Variants in OR51B5 observed in about 807,000 individuals in gnomAD.
OR51B5 encodes olfactory receptor family 51 subfamily B member 5.
For missense variants in OR51B5, 456 were observed against 374.6 expected, an observed-to-expected ratio of 1.22 and a Z score of -1.79; for synonymous variants, 186 against 144.8, an observed-to-expected ratio of 1.28 and a Z score of -2.04.
At chr11:5,394,266 A>C (rs7942877) in intron 1 of OR51B5, among the ~76,000 whole-genome samples, 2 of 152,012 alleles carry the variant, frequency 1.3e-5, no homozygotes, top group African/African-American at 2.4e-5. Flanking sequence ...TAGATTACCC[A>C]TTTTACAGAT....
intron 1 of OR51B5, among the ~76,000 whole-genome samples, chr11:5,374,591 T>C (rs550784762): frequency 1.3e-5 from 2 of 151,688 alleles, no homozygotes; most frequent in East Asian, 3.9e-4. Flanking sequence ...TGAAAAAAAA[T>C]TTAGATGAAT....
At chr11:5,463,474 C>T (rs1481393542) in intron 1 of OR51B5, among the ~76,000 whole-genome samples, 3 of 152,220 alleles carry the variant, frequency 2.0e-5, no homozygotes, top group African/African-American at 7.2e-5. Context: ...CCATGTTAAT[C>T]AAGATACTCT....
intron 1 of OR51B5, among the ~76,000 whole-genome samples, chr11:5,483,053 C>T (rs1215721200): frequency 2.0e-5 from 3 of 147,366 alleles, no homozygotes; most frequent in Non-Finnish European, 4.5e-5. Context: ...AAGACACATG[C>T]ACACGTATGT....
chr11:5,412,860 G>A (rs1826443009), intron 1 of OR51B5, among the ~76,000 whole-genome samples: 1 of 151,848 alleles, frequency 6.6e-6, no homozygotes, highest in Non-Finnish European at 1.5e-5. Context: ...ACCTCTGGGG[G>A]CAGGGCACAG....
rs528763576 is a variant in OR51B5 at position 5,460,718 on chromosome 11, A to G, written n.84+44851T>C. Reference sequence around the variant, plus strand: ...CTCTGCGTTGGCTGATGTTCCCTTAATCTTTGAAGTTGCTATCCTTTCAAC... The same window carrying G: ...CTCTGCGTTGGCTGATGTTCCCTTAGTCTTTGAAGTTGCTATCCTTTCAAC... On this transcript the variant is annotated intron_variant and non_coding_transcript_variant, in intron 1 of 4. Coordinates refer to the OR51B5 transcript ENST00000415970. Among the ~76,000 whole-genome samples the G allele has an allele frequency of 6.6e-5, 10 of 152,224 alleles. No individual in the cohort carries two copies. The South Asian group carries it at 2.1e-3, about 32-fold the overall frequency.
chr11:5,453,763 T>C (rs1267099411), intron 1 of OR51B5: 9 of 1,614,198 alleles, frequency 5.6e-6, no homozygotes, highest in Non-Finnish European at 6.8e-6. Context: ...GCCCGCAACA[T>C]CACTTTTGAT....
intron 1 of OR51B5, among the ~76,000 whole-genome samples, chr11:5,412,998 A>T (rs565136822): frequency 6.6e-6 from 1 of 150,980 alleles, no homozygotes; most frequent in Non-Finnish European, 1.5e-5. Flanking sequence ...CCTCAAGTGG[A>T]TCCCTGACCC....
At chr11:5,413,000 C>T (rs1850174145) in intron 1 of OR51B5, among the ~76,000 whole-genome samples, 1 of 150,592 alleles carries the variant, frequency 6.6e-6, no homozygotes, top group African/African-American at 2.4e-5. Flanking sequence ...TCAAGTGGAT[C>T]CCTGACCCCA....
At chr11:5,384,572 C>T (rs1484406219) in intron 1 of OR51B5, among the ~76,000 whole-genome samples, 1 of 152,232 alleles carries the variant, frequency 6.6e-6, no homozygotes, top group African/African-American at 2.4e-5. Context: ...AGGCCAGCCC[C>T]TCCCTGGATC....
chr11:5,483,274 G>A (rs368077519), intron 1 of OR51B5, among the ~76,000 whole-genome samples: 197 of 139,108 alleles, frequency 1.4e-3, no homozygotes, highest in South Asian at 0.012. Context: ...ACCAAACACC[G>A]CATATTCTCA....
At chr11:5,379,455 T>TATA (rs1290734917) in intron 1 of OR51B5, among the ~76,000 whole-genome samples, 10 of 143,376 alleles carry the variant, frequency 7.0e-5, no homozygotes, top group African/African-American at 2.0e-4. Context: ...AATCTTAAAG[T>TATA]ATAATAATAA....
At chr11:5,475,009 A>T (rs187759814) in intron 1 of OR51B5, among the ~76,000 whole-genome samples, 32 of 152,260 alleles carry the variant, frequency 2.1e-4, no homozygotes, top group Admixed American at 1.6e-3. Flanking sequence ...AAGCTCAATA[A>T]ATAGGTGTTT....
At chr11:5,401,083 G>C (rs1331052410) in intron 1 of OR51B5, among the ~76,000 whole-genome samples, 1 of 152,142 alleles carries the variant, frequency 6.6e-6, no homozygotes, top group Non-Finnish European at 1.5e-5. Flanking sequence ...TATAACTGCT[G>C]ACCTAGACAA....
At chr11:5,489,258 T>C in intron 1 of OR51B5, 2 of 1,614,042 alleles carry the variant, frequency 1.2e-6, no homozygotes, top group Non-Finnish European at 1.7e-6. Flanking sequence ...ACTGTGAGCA[T>C]ATGGGCATTG....
intron 1 of OR51B5, among the ~76,000 whole-genome samples, chr11:5,449,868 T>C (rs1850818071): frequency 6.6e-6 from 1 of 152,162 alleles, no homozygotes; most frequent in Non-Finnish European, 1.5e-5. Flanking sequence ...AGCTAAACTG[T>C]AGATGAACAA....
In OR51B5 at chr11:5,360,803, A is replaced by G. The variant is rs1178929568; in HGVS notation, n.85-13893T>C. On this transcript the variant is annotated intron_variant and non_coding_transcript_variant, in intron 1 of 4. Coordinates refer to the OR51B5 transcript ENST00000415970. ...TGGCACATATACACCATGGAATACT[A>G]TGCAGCCATAAAAAATGAAGAGTTC... Among the ~76,000 whole-genome samples the G allele has an allele frequency of 3.6e-3, 530 of 148,796 alleles. 2 individuals carry two copies. Among genetic ancestry groups the G allele is most frequent in the Middle Eastern group, 0.01 (3 of 286 alleles).
Position 5,496,036 on chromosome 11 carries a change from G to A in OR51B5, n.84+9533C>T, listed in dbSNP as rs554694785. On this transcript the variant is annotated intron_variant and non_coding_transcript_variant, in intron 1 of 4. Coordinates refer to the OR51B5 transcript ENST00000415970. ...CCCTCACCAAGTTACCAGGTACACC[G>A]GTGTGATAAGTCTGGTTCCTGCCAC... Among the ~76,000 whole-genome samples, 40 of 152,046 alleles carry A rather than the reference G, an allele frequency of 2.6e-4. No homozygotes were observed. The South Asian group carries it at 4.6e-3, about 17-fold the overall frequency.
chr11:5,456,481 C>G (rs572938516), intron 1 of OR51B5: 2 of 152,056 alleles, frequency 1.3e-5, no homozygotes, highest in African/African-American at 2.4e-5. Flanking sequence ...AACTCTTTAA[C>G]TTCTTTTTAT....
chr11:5,352,202 G>T lies in OR51B5; in HGVS notation n.85-5292C>A. ...ATGGGCATTGGTTCTGGAGGAGAAA[G>T]GGCCAAGGCCCTCAACACATGTGTC... On this transcript the variant is annotated intron_variant and non_coding_transcript_variant, in intron 1 of 4. Coordinates refer to the OR51B5 transcript ENST00000415970. The T allele has an allele frequency of 1.9e-6, 3 of 1,614,136 alleles. No homozygotes were observed. The highest frequency in any genetic ancestry group is 3.3e-5 in the Admixed American group (2 of 60,032).
Sources: allele counts gnomAD v4.1 joint callset (sites outside exome capture counted in the v4.1 genomes callset), GRCh38; gene constraint gnomAD v4.1.1; transcripts MANE v1.5; gene names NCBI Gene and HGNC (gene_info 2026-07-23, HGNC 2026-07-21).